LCN9: variants seen among roughly 807,000 people sequenced by gnomAD.
The protein encoded by LCN9 is lipocalin 9, also known as epididymal-specific lipocalin-9.
Under a neutral mutation model 18.5 loss-of-function variants are expected in LCN9, and 22 were observed. The ratio of observed to expected loss-of-function variants is 1.19; its 90% confidence interval spans 0.85 to 1.70. The LOEUF is 1.70. Among genes scored for constraint, LCN9 ranks in the 40% most tolerant of loss-of-function variants. The pLI, the probability that LCN9 is intolerant of heterozygous loss-of-function variation, is 0.00. For missense variants in LCN9, 202 were observed against 201.3 expected (o/e 1.00, Z -0.02); for synonymous variants, 89 against 83.0 (o/e 1.07, Z -0.39).
chr9:135,665,763 C>G lies in LCN9; in HGVS notation c.*9+11C>G. 1.9e-6 allele frequency: 3 copies of G among 1,613,382 alleles called. No homozygotes were observed. The highest frequency in any genetic ancestry group is 2.5e-6 in the Non-Finnish European group (3 of 1,179,642). ...ACTTGACCAACAAAGGTCAGCCCCACTGCTCCCGGACCAAGCGGGAGCCGG... is the reference window on the plus strand; with the variant it reads ...ACTTGACCAACAAAGGTCAGCCCCAGTGCTCCCGGACCAAGCGGGAGCCGG... On this transcript the variant is annotated intron_variant, in intron 5 of 5. Coordinates refer to ENST00000619315, the Ensembl canonical transcript of LCN9. This position sits in a 1 kb window ranked among gnomAD's most constrained non-coding sequence, Gnocchi z 5.9.
exon 6 of LCN9, chr9:135,666,024 G>A (rs1588216125): frequency 2.0e-5 from 32 of 1,599,644 alleles, no homozygotes; most frequent in East Asian, 1.1e-4. Flanking sequence ...TCTGGGAACC[G>A]AACACAAGGT....
In LCN9 at chr9:135,665,918, G is replaced by T; in HGVS notation, c.*67G>T. 1 of 1,610,216 alleles carries T rather than the reference G, an allele frequency of 6.2e-7. No homozygotes were observed. Among genetic ancestry groups the T allele is most frequent in the Non-Finnish European group, 8.5e-7 (1 of 1,179,024 alleles). The stretch of plus-strand genomic sequence containing the variant: ...CCCAGGCCTCCCATGCGTGAGCTGC[G>T]ACTCGGGACGGGCAGGGGGCTGGAT... On this transcript the variant is annotated 3_prime_UTR_variant, in exon 6 of 6. Transcript: ENST00000619315. The surrounding 1 kb of genome is among the most constrained non-coding windows in gnomAD (Gnocchi z 5.9).
Position 135,664,680 on chromosome 9 carries a change from G to A in LCN9, c.234-42G>A, listed in dbSNP as rs778251413. 8.5e-6 allele frequency: 13 copies of A among 1,528,738 alleles called. No individual in the cohort carries two copies. The highest frequency in any genetic ancestry group is 1.2e-5 in the South Asian group (1 of 81,458). 94.7% of individuals were successfully genotyped at this position (1,528,738 alleles called of 1,614,324 possible). ...GCTCTCTGCCATCGCACGTCCAGGGGGCTGGAGCTCCACTCCCGGCATCTT... is the reference window on the plus strand; with the variant it reads ...GCTCTCTGCCATCGCACGTCCAGGGAGCTGGAGCTCCACTCCCGGCATCTT... On this transcript the variant is annotated intron_variant, in intron 2 of 5. Coordinates refer to ENST00000619315, the Ensembl canonical transcript of LCN9. This position sits in a 1 kb window ranked among gnomAD's most constrained non-coding sequence, Gnocchi z 4.5.
intron 1 of LCN9, among the ~76,000 whole-genome samples, chr9:135,663,822 A>G (rs1219008543): frequency 1.2e-4 from 3 of 25,934 alleles, no homozygotes; most frequent in Non-Finnish European, 2.2e-4. Flanking sequence ...GGGGCAGAGG[A>G]GAGACCTGTG....
At position 135,665,537 on chromosome 9, in the gene LCN9, C is replaced by G; in HGVS notation, c.419-151C>G. 1 of 855,184 alleles carries G rather than the reference C, an allele frequency of 1.2e-6. No homozygotes were observed. The highest frequency in any genetic ancestry group is 1.9e-6 in the Non-Finnish European group (1 of 539,414). 53.0% of individuals were successfully genotyped at this position (855,184 alleles called of 1,614,324 possible). A position where few individuals can be genotyped will look rare whatever the true frequency, so the allele number is the denominator to read the frequency against. ...GGTGCTTCAATCTGTCACCTCCCAT[C>G]TCACTTGGCACAAAGCCCCTCTCTG... On this transcript the variant is annotated intron_variant, in intron 4 of 5. Transcript: ENST00000619315. The surrounding 1 kb of genome is among the most constrained non-coding windows in gnomAD (Gnocchi z 5.9).
chr9:135,664,438 C>T lies in LCN9; in HGVS notation c.233+140C>T, dbSNP rs1460946567. The T allele has an allele frequency of 3.5e-6, 4 of 1,158,524 alleles. No homozygotes were observed. The highest frequency in any genetic ancestry group is 5.0e-6 in the Non-Finnish European group (4 of 801,548). 71.8% of individuals were successfully genotyped at this position (1,158,524 alleles called of 1,614,324 possible). On this transcript the variant is annotated intron_variant, in intron 2 of 5. Coordinates refer to ENST00000619315, the Ensembl canonical transcript of LCN9. The surrounding 1 kb of genome is among the most constrained non-coding windows in gnomAD (Gnocchi z 4.5). ...AGAGCCTGAGCCTGTGCGTGTGACC[C>T]TTGGGGGCAGGGTGAGGTGGGAGCA...
Position 135,663,857 on chromosome 9 carries a change from A to G in LCN9, c.97-305A>G, listed in dbSNP as rs77965622. On this transcript the variant is annotated intron_variant, in intron 1 of 5. Coordinates refer to ENST00000619315, the Ensembl canonical transcript of LCN9. ...GGGGCAGAGGGGGCCCTGGAAGGGC[A>G]GAGGGCATTCTGTGAGCAGAGGGGG... Among the ~76,000 whole-genome samples the G allele has an allele frequency of 5.4e-3, 404 of 74,332 alleles. 5 individuals carry two copies. Among genetic ancestry groups the G allele is most frequent in the African/African-American group, 0.017 (350 of 20,054 alleles). The allele number at this position is 74,332 out of a possible 152,430, so 48.8% of individuals were successfully genotyped here.
chr9:135,665,642 T>C lies in LCN9; in HGVS notation c.419-46T>C. 6.3e-7 allele frequency: 1 copy of C among 1,577,732 alleles called. No homozygotes were observed. The highest frequency in any genetic ancestry group is 8.6e-7 in the Non-Finnish European group (1 of 1,157,048). On this transcript the variant is annotated intron_variant, in intron 4 of 5. Transcript: ENST00000619315. This position sits in a 1 kb window ranked among gnomAD's most constrained non-coding sequence, Gnocchi z 5.9. ...GCCCAGCTTCACACAGAACCAACTC[T>C]GTTCCCAGCACGGGTCCCATAGCTG... is the stretch of plus-strand genomic sequence containing the variant.
At chr9:135,666,030 A>G in exon 6 of LCN9, 2 of 1,599,714 alleles carry the variant, frequency 1.3e-6, no homozygotes, top group East Asian at 4.5e-5. Context: ...AACCGAACAC[A>G]AGGTGCTTTG....
In LCN9 at chr9:135,664,913, G is replaced by C. The variant is rs1405918512; in HGVS notation, c.307+118G>C. ...ATTTTAGTTAAGCCCCTGACAGCTT[G>C]ACCCTGAACTGGAGGGACCCATCCT... On this transcript the variant is annotated intron_variant, in intron 3 of 5. Transcript: ENST00000619315. This position sits in a 1 kb window ranked among gnomAD's most constrained non-coding sequence, Gnocchi z 4.5. The C allele has an allele frequency of 6.3e-6, 7 of 1,117,466 alleles. No homozygotes were observed. The highest frequency in any genetic ancestry group is 9.0e-6 in the Non-Finnish European group (7 of 778,984). 69.2% of individuals were successfully genotyped at this position (1,117,466 alleles called of 1,614,324 possible).
intron 1 of LCN9, 72 bp downstream of exon 1, chr9:135,663,489 T>C: frequency 7.1e-7 from 1 of 1,401,096 alleles, no homozygotes; most frequent in South Asian, 1.2e-5. Flanking sequence ...GCCTGGGGTC[T>C]CTGACCTGTG....
At position 135,665,394 on chromosome 9, in the gene LCN9, C is replaced by T. The variant is rs1834201959; in HGVS notation, c.418+39C>T. On this transcript the variant is annotated intron_variant, in intron 4 of 5. Transcript: ENST00000619315. The surrounding 1 kb of genome is among the most constrained non-coding windows in gnomAD (Gnocchi z 5.9). Reference sequence around the variant, plus strand: ...CCCCCTCTGACCCCCTCGGGGACCCCACCTCCTCTGAAGTCCGGCCCAACC... The same window carrying T: ...CCCCCTCTGACCCCCTCGGGGACCCTACCTCCTCTGAAGTCCGGCCCAACC... 6.7e-7 allele frequency: 1 copy of T among 1,501,858 alleles called. No individual in the cohort carries two copies. Among genetic ancestry groups the T allele is most frequent in the Non-Finnish European group, 9.1e-7 (1 of 1,100,366 alleles). 93.0% of individuals were successfully genotyped at this position (1,501,858 alleles called of 1,614,324 possible).
At chr9:135,666,133 G>A (rs748406485) in exon 6 of LCN9, 22 of 1,595,418 alleles carry the variant, frequency 1.4e-5, no homozygotes, top group Non-Finnish European at 1.5e-5. Flanking sequence ...ATGGGGCCCT[G>A]TGTGAGTCTC....
rs143847577 is a variant in LCN9 at position 135,665,118 on chromosome 9, G to A, written c.308-127G>A. On this transcript the variant is annotated intron_variant, in intron 3 of 5. Coordinates refer to ENST00000619315, the Ensembl canonical transcript of LCN9. The surrounding 1 kb of genome is among the most constrained non-coding windows in gnomAD (Gnocchi z 5.9). ...CAGGGGTCTCCGCTGGGTGAGCACC[G>A]TGGGCTCCTCCCCTCCCGCCTCAAA... is the stretch of plus-strand genomic sequence containing the variant. 2.2e-3 allele frequency: 1,551 copies of A among 705,566 alleles called. 16 individuals carry two copies. The African/African-American group carries it at 0.023, about 10-fold the overall frequency. The allele number at this position is 705,566 out of a possible 1,614,324, so 43.7% of individuals were successfully genotyped here. A position where few individuals can be genotyped will look rare whatever the true frequency, so the allele number is the denominator to read the frequency against.
At chr9:135,666,651 A>G (rs1834227879) in exon 6 of LCN9, among the ~76,000 whole-genome samples, 1 of 152,094 alleles carries the variant, frequency 6.6e-6, no homozygotes, top group Non-Finnish European at 1.5e-5. Flanking sequence ...ACGCCTCTGA[A>G]GGCACCTCTG....
Position 135,665,623 on chromosome 9 carries a change from C to A in LCN9, c.419-65C>A. ...CCTGAGCACCCCCAGCAAGGCCCAGCTTCACACAGAACCAACTCTGTTCCC... is the reference window on the plus strand; with the variant it reads ...CCTGAGCACCCCCAGCAAGGCCCAGATTCACACAGAACCAACTCTGTTCCC... On this transcript the variant is annotated intron_variant, in intron 4 of 5. Transcript: ENST00000619315. The surrounding 1 kb of genome is among the most constrained non-coding windows in gnomAD (Gnocchi z 5.9). The A allele has an allele frequency of 6.6e-7, 1 of 1,515,184 alleles. No individual in the cohort carries two copies. The highest frequency in any genetic ancestry group is 9.0e-7 in the Non-Finnish European group (1 of 1,107,372). The allele number at this position is 1,515,184 out of a possible 1,614,324, so 93.9% of individuals were successfully genotyped here.
rs1834183739 is a variant in LCN9, at chr9:135,664,472, G to C, written c.233+174G>C. Among the ~76,000 whole-genome samples, 1 of 152,116 alleles carries C rather than the reference G, an allele frequency of 6.6e-6. No homozygotes were observed. The highest frequency in any genetic ancestry group is 1.5e-5 in the Non-Finnish European group (1 of 68,024). ...AGGGTGAGGTGGGAGCAGGGACTTG[G>C]TCTGCCTGGCACTGTGCTCTTCCCT... On this transcript the variant is annotated intron_variant, in intron 2 of 5. Transcript: ENST00000619315. This position sits in a 1 kb window ranked among gnomAD's most constrained non-coding sequence, Gnocchi z 4.5.
exon 6 of LCN9, chr9:135,666,222 A>G (rs1218692754): frequency 7.0e-7 from 1 of 1,420,830 alleles, no homozygotes; most frequent in African/African-American, 1.4e-5. Context: ...CGAGGTCTGA[A>G]ACCCGAGGTC....
Position 135,665,438 on chromosome 9 carries a change from C to T in LCN9, c.418+83C>T, listed in dbSNP as rs755100258. On this transcript the variant is annotated intron_variant, in intron 4 of 5. Transcript: ENST00000619315. The surrounding 1 kb of genome is among the most constrained non-coding windows in gnomAD (Gnocchi z 5.9). ...CCCAACCCTGGGCGGAGGAGGGTCT[C>T]GCAGTGGCCCTGGGGTTTGGAGAGG... The T allele has an allele frequency of 4.0e-4, 465 of 1,150,560 alleles. No individual in the cohort carries two copies. The highest frequency in any genetic ancestry group is 5.3e-4 in the Non-Finnish European group (415 of 786,512). The allele number at this position is 1,150,560 out of a possible 1,614,324, so 71.3% of individuals were successfully genotyped here.
Sources: allele counts gnomAD v4.1 joint callset (sites outside exome capture counted in the v4.1 genomes callset), GRCh38; gene constraint gnomAD v4.1.1; non-coding constraint Gnocchi (gnomAD v3.1); transcripts MANE v1.5; gene names NCBI Gene and HGNC (gene_info 2026-07-23, HGNC 2026-07-21).